Variants in SDK1 observed in about 807,000 individuals in gnomAD.
The protein encoded by SDK1 is sidekick cell adhesion molecule 1, also known as protein sidekick-1.
SDK1 carries 157 observed loss-of-function variants against 245.5 expected under a neutral mutation model. That is an observed-to-expected ratio of 0.64 (90% CI 0.56 to 0.73). SDK1 has a LOEUF of 0.73. SDK1 is among the 30% of genes least tolerant of loss of function. SDK1 has a pLI of 0.00. For synonymous variants in SDK1, 1,647 were observed against 1,278.5 expected, an observed-to-expected ratio of 1.29 and a Z score of -6.15; for missense variants, 3,583 against 3,002.3, an observed-to-expected ratio of 1.19 and a Z score of -4.52.
chr7:3,319,347 G>A (rs2128546500), intron 1 of SDK1, among the ~76,000 whole-genome samples: 1 of 152,274 alleles, frequency 6.6e-6, no homozygotes, highest in East Asian at 1.9e-4. Flanking sequence ...AGAAATGCTT[G>A]TGGAGGGTCT....
At chr7:3,480,200 G>T (rs1433832337) in intron 1 of SDK1, among the ~76,000 whole-genome samples, 4 of 152,238 alleles carry the variant, frequency 2.6e-5, no homozygotes. Context: ...GGCAGAAGAA[G>T]AGTGGTGTGA....
At chr7:3,752,671 C>T (rs1034788330) in intron 4 of SDK1, among the ~76,000 whole-genome samples, 3 of 152,038 alleles carry the variant, frequency 2.0e-5, no homozygotes, top group African/African-American at 7.2e-5. Context: ...TTTCCTCATC[C>T]TCTAACCCTC....
At chr7:3,697,420 T>C (rs1211340943) in intron 4 of SDK1, among the ~76,000 whole-genome samples, 1 of 152,212 alleles carries the variant, frequency 6.6e-6, no homozygotes, top group Non-Finnish European at 1.5e-5. Flanking sequence ...TGAGTGACGT[T>C]TAGCTAGTAA....
chr7:3,741,934 A>C (rs996802114), intron 4 of SDK1, among the ~76,000 whole-genome samples: 1 of 150,190 alleles, frequency 6.7e-6, no homozygotes, highest in African/African-American at 2.5e-5. Context: ...CCATAAGCCC[A>C]ATACCCTGTC....
In SDK1 at chr7:4,218,739, G is replaced by C. The variant is rs367834483; in HGVS notation, c.5540-1370G>C. 8.7e-4 allele frequency among the ~76,000 whole-genome samples: 132 copies of C among 152,282 alleles called. 4 individuals carry two copies. The South Asian group carries it at 0.027, about 31-fold the overall frequency. ...CGGTGGGTGCCACTCACCAAGGGCAGCTCTTCTCAGGGATGCTCCTTGGAA... is the reference window on the plus strand; with the variant it reads ...CGGTGGGTGCCACTCACCAAGGGCACCTCTTCTCAGGGATGCTCCTTGGAA... On this transcript the variant is annotated intron_variant, in intron 38 of 44. Coordinates refer to ENST00000404826, the MANE Select transcript of SDK1 (RefSeq NM_152744.4).
intron 1 of SDK1, among the ~76,000 whole-genome samples, chr7:3,525,386 G>C (rs1315206373): frequency 2.0e-5 from 3 of 152,048 alleles, no homozygotes; most frequent in Admixed American, 2.0e-4. Context: ...AATCCTCCTT[G>C]CTCCTGGGGT....
At chr7:3,488,036 G>A (rs890027237) in intron 1 of SDK1, among the ~76,000 whole-genome samples, 1 of 152,152 alleles carries the variant, frequency 6.6e-6, no homozygotes, top group African/African-American at 2.4e-5. Context: ...TATTAGACTA[G>A]AGGCTTGTTT....
chr7:4,011,377 C>G (rs570528690), intron 15 of SDK1, among the ~76,000 whole-genome samples: 1 of 152,328 alleles, frequency 6.6e-6, no homozygotes, highest in South Asian at 2.1e-4. Context: ...TAAATCGCTC[C>G]TGACAGCACA....
chr7:3,699,443 A>G (rs989943180), intron 4 of SDK1, among the ~76,000 whole-genome samples: 1 of 152,224 alleles, frequency 6.6e-6, no homozygotes, highest in African/African-American at 2.4e-5. Flanking sequence ...AATAGAAGAG[A>G]TAATAGAGTA....
At chr7:4,094,045 G>A (rs1193038399) in intron 22 of SDK1, among the ~76,000 whole-genome samples, 1 of 152,034 alleles carries the variant, frequency 6.6e-6, no homozygotes, top group Non-Finnish European at 1.5e-5. Context: ...AACGGCCAGG[G>A]TGGTTTTTTT....
intron 22 of SDK1, among the ~76,000 whole-genome samples, chr7:4,088,203 C>G (rs1465041486): frequency 6.6e-6 from 1 of 152,182 alleles, no homozygotes; most frequent in African/African-American, 2.4e-5. Flanking sequence ...TTTGGGAATT[C>G]TCTTGTTAGT....
intron 1 of SDK1, among the ~76,000 whole-genome samples, chr7:3,435,257 A>C (rs1191139155): frequency 2.0e-5 from 3 of 149,440 alleles, no homozygotes; most frequent in Non-Finnish European, 4.4e-5. Flanking sequence ...TATACTGGAG[A>C]GATCTATTCC....
intron 32 of SDK1, among the ~76,000 whole-genome samples, chr7:4,165,068 TG>T (rs1380816424): frequency 2.8e-4 from 42 of 152,378 alleles, no homozygotes; most frequent in Admixed American, 3.9e-4. Flanking sequence ...TGTTTTGTTT[TG>T]TTTTTTTAGT....
chr7:4,000,209 A>G (rs1784971447), intron 14 of SDK1, among the ~76,000 whole-genome samples: 1 of 152,220 alleles, frequency 6.6e-6, no homozygotes, highest in Non-Finnish European at 1.5e-5. Flanking sequence ...TGGGAAGAGC[A>G]TCTGTGAGCT....
chr7:3,404,467 T>C (rs1779000106), intron 1 of SDK1, among the ~76,000 whole-genome samples: 2 of 152,242 alleles, frequency 1.3e-5, no homozygotes, highest in African/African-American at 4.8e-5. Context: ...GAATCTGCAG[T>C]ATTATTATTA....
chr7:3,508,104 G>T (rs1764422131), intron 1 of SDK1, among the ~76,000 whole-genome samples: 2 of 152,044 alleles, frequency 1.3e-5, no homozygotes, highest in South Asian at 2.1e-4. Context: ...TGATAGTCAG[G>T]GTGTTGTCCA....
intron 1 of SDK1, among the ~76,000 whole-genome samples, chr7:3,561,176 T>C (rs1779739516): frequency 6.6e-6 from 1 of 152,198 alleles, no homozygotes; most frequent in Non-Finnish European, 1.5e-5. Context: ...AAATCTTTGC[T>C]TCATCCTGAT....
chr7:3,355,690 C>T (rs914324615), intron 1 of SDK1, among the ~76,000 whole-genome samples: 6 of 152,084 alleles, frequency 3.9e-5, no homozygotes, highest in South Asian at 2.1e-4. Context: ...TGCAGACACC[C>T]GTCATTGCAA....
At chr7:3,860,327 A>G (rs1780660647) in intron 5 of SDK1, among the ~76,000 whole-genome samples, 1 of 152,228 alleles carries the variant, frequency 6.6e-6, no homozygotes, top group South Asian at 2.1e-4. Flanking sequence ...ATCACTCGAA[A>G]AAAGACAATG....
Sources: allele counts gnomAD v4.1 joint callset (sites outside exome capture counted in the v4.1 genomes callset), GRCh38; gene constraint gnomAD v4.1.1; transcripts MANE v1.5; gene names NCBI Gene and HGNC (gene_info 2026-07-23, HGNC 2026-07-21).